The following TRRAP variants were observed in gnomAD, a reference collection of about 807,000 sequenced individuals.
The protein encoded by TRRAP is transformation/transcription domain associated protein, also known as transformation/transcription domain-associated protein.
Under a neutral mutation model 438.8 loss-of-function variants are expected in TRRAP, and 41 were observed. The ratio of observed to expected loss-of-function variants is 0.09; its 90% CI spans 0.07 to 0.12. The LOEUF is 0.12. Among genes scored for constraint, TRRAP ranks in the 10% least tolerant of loss-of-function variants. The probability of loss-of-function intolerance (pLI) is 1.00; values close to 1 mark genes in which losing one functional copy is unlikely to be tolerated. For synonymous variants in TRRAP, 1,994 were observed against 1,962.9 expected, an observed-to-expected ratio of 1.02 and a Z score of -0.42; for missense variants, 3,122 against 5,055.1, an observed-to-expected ratio of 0.62 and a Z score of 11.60.
intron 67 of TRRAP, among the ~76,000 whole-genome samples, chr7:98,995,757 C>T (rs961004813): frequency 3.9e-4 from 58 of 149,042 alleles, no homozygotes; most frequent in African/African-American, 1.3e-3. Flanking sequence ...CCCATCCACT[C>T]ACCTGTATCC....
Position 98,961,445 on chromosome 7 carries a change from G to T in TRRAP, c.6674G>T (p.Arg2225Leu). ...CGAGCCGTCCACAGCCTTCTCTCGCGCCTGATGAGCATTTTCCCAACAGAG... is the reference window on the plus strand; with the variant it reads ...CGAGCCGTCCACAGCCTTCTCTCGCTCCTGATGAGCATTTTCCCAACAGAG... ...VLRAVHSLLS[R>L]LMSIFPTEPS... Residue 2225 changes from arginine to leucine, a missense_variant, in exon 46 of 73, where the codon CGC (arginine) becomes CTC (leucine). By Grantham distance (102) the Arg-to-Leu change is moderately radical. Coordinates refer to ENST00000456197, the MANE Select transcript of TRRAP (RefSeq NM_001375524.1). The T allele has an allele frequency of 2.5e-6, 4 of 1,614,176 alleles. No individual in the cohort carries two copies. Among genetic ancestry groups the T allele is most frequent in the Non-Finnish European group, 3.4e-6 (4 of 1,180,040 alleles).
chr7:98,937,926 G>A, intron 30 of TRRAP, 106 bp downstream of exon 30: 1 of 1,297,952 alleles, frequency 7.7e-7, no homozygotes, highest in South Asian at 1.8e-5. Context: ...TGTAATCCCA[G>A]CACTTTGGGA....
chr7:98,882,131 T>G (rs1798141493), intron 3 of TRRAP, 107 bp downstream of exon 3: 2 of 967,234 alleles, frequency 2.1e-6, no homozygotes, highest in Non-Finnish European at 3.0e-6. Context: ...ATCATTGTCT[T>G]TGTTCAAGTA....
In TRRAP at chr7:98,933,387, G is replaced by A; in HGVS notation, c.3999G>A (p.Lys1333=). 1 of 1,613,894 alleles carries A rather than the reference G, an allele frequency of 6.2e-7. No homozygotes were observed. Among genetic ancestry groups the A allele is most frequent in the Non-Finnish European group, 8.5e-7 (1 of 1,179,984 alleles). The change falls in exon 27 of 73, where the codon AAG becomes AAA. Residue 1333 remains lysine (K), a synonymous_variant. Coordinates refer to ENST00000456197, the MANE Select transcript of TRRAP (RefSeq NM_001375524.1). ...FTMDLNVVEH[K]VFYTELLNLC... ...TGGACCTTAACGTGGTGGAGCATAA[G>A]GTGTTCTACACAGAGGTAGGGGGGT...
At chr7:98,906,351 T>C in intron 13 of TRRAP, 96 bp downstream of exon 13, 1 of 924,268 alleles carries the variant, frequency 1.1e-6, no homozygotes, top group Non-Finnish European at 1.7e-6. Flanking sequence ...ACACCGGCTG[T>C]TGAGCCTTGA....
intron 23 of TRRAP, 133 bp downstream of exon 23, chr7:98,927,499 C>A: frequency 2.5e-6 from 3 of 1,201,526 alleles, no homozygotes; most frequent in Non-Finnish European, 3.4e-6. Context: ...TTTTATTTTC[C>A]AATTTTCCAT....
chr7:98,962,398 C>T lies in TRRAP; in HGVS notation c.6800C>T (p.Ala2267Val). Residue 2267 changes from alanine (A) to valine (V), a missense_variant, in exon 47 of 73, where the codon GCC (alanine) becomes GTC (valine). Coordinates refer to ENST00000456197, the MANE Select transcript of TRRAP (RefSeq NM_001375524.1). ...GAAGGGCTCACCAACTACGAGAAGGCCACCAATGCCAATCCCTCCCAGCTC... is the reference window on the plus strand; with the variant it reads ...GAAGGGCTCACCAACTACGAGAAGGTCACCAATGCCAATCCCTCCCAGCTC... Reference protein sequence around the residue: ...IYEGLTNYEKATNANPSQLFG... With the variant: ...IYEGLTNYEKVTNANPSQLFG... 6.2e-7 allele frequency: 1 copy of T among 1,614,208 alleles called. No individual in the cohort carries two copies. Among genetic ancestry groups the T allele is most frequent in the Non-Finnish European group, 8.5e-7 (1 of 1,180,040 alleles).
intron 28 of TRRAP, among the ~76,000 whole-genome samples, chr7:98,936,831 A>G (rs1790579061): frequency 6.6e-6 from 1 of 152,206 alleles, no homozygotes; most frequent in South Asian, 2.1e-4. Context: ...ATTATACTCA[A>G]CATGTGGATG....
In TRRAP at chr7:98,951,001, C is replaced by T. The variant is rs782108092; in HGVS notation, c.5460C>T (p.Thr1820=). 1 of 1,593,278 alleles carries T rather than the reference C, an allele frequency of 6.3e-7. No individual in the cohort carries two copies. Among genetic ancestry groups the T allele is most frequent in the South Asian group, 1.1e-5 (1 of 86,986 alleles). The stretch of plus-strand genomic sequence containing the variant: ...AAAGCATCACCAGTGTGTTTATTAC[C>T]AAGGTGGTATCACTATGTGTGTGGG... ...NPESITSVFI[T]KVLDPEKQAD... Residue 1820 remains threonine (T), a synonymous_variant, in exon 39 of 73, where the codon ACC becomes ACT. Coordinates refer to ENST00000456197, the MANE Select transcript of TRRAP (RefSeq NM_001375524.1).
chr7:98,957,401 A>C (rs187320863), intron 43 of TRRAP, among the ~76,000 whole-genome samples: 2 of 152,186 alleles, frequency 1.3e-5, no homozygotes, highest in Admixed American at 6.5e-5. Context: ...TGAGACCTCT[A>C]CAGTGTTTTT....
chr7:98,948,365 T>C lies in TRRAP; in HGVS notation c.4668+25T>C. Reference sequence around the variant, plus strand: ...GGTAAGGGCCATACTGAAGGCTGCTTCTCGCTCTGCCACCCTCCGGTGCTT... The same window carrying C: ...GGTAAGGGCCATACTGAAGGCTGCTCCTCGCTCTGCCACCCTCCGGTGCTT... On this transcript the variant is annotated intron_variant, in intron 34 of 72. Transcript: ENST00000456197. This position sits in a 1 kb window ranked among gnomAD's most constrained non-coding sequence, Gnocchi z 4.9. 1 of 1,613,952 alleles carries C rather than the reference T, an allele frequency of 6.2e-7. No individual in the cohort carries two copies.
In TRRAP at chr7:98,885,471, A is replaced by T. The variant is rs1369961907; in HGVS notation, c.150+3447A>T. 2.4e-4 allele frequency among the ~76,000 whole-genome samples: 37 copies of T among 152,226 alleles called. 1 individual carries two copies. Among genetic ancestry groups the T allele is most frequent in the Admixed American group, 2.4e-3 (37 of 15,278 alleles). ...TTCCGTAAGGTCTTTTGTATTAATA[A>T]ACATTAAATACATGTTAGTGGGGTT... On this transcript the variant is annotated intron_variant, in intron 3 of 72. Transcript: ENST00000456197.
At chr7:98,941,715 T>G (rs1177616476) in intron 30 of TRRAP, among the ~76,000 whole-genome samples, 1 of 152,180 alleles carries the variant, frequency 6.6e-6, no homozygotes, top group Non-Finnish European at 1.5e-5. Context: ...AAATGTTGAG[T>G]GCTTTGAAGA....
Position 98,949,370 on chromosome 7 carries a change from T to C in TRRAP, c.4789-47T>C, listed in dbSNP as rs1260873869. 1.1e-5 allele frequency: 16 copies of C among 1,442,266 alleles called. No homozygotes were observed. The East Asian group carries it at 4.0e-4, about 36-fold the overall frequency. The allele number at this position is 1,442,266 out of a possible 1,614,324, so 89.3% of individuals were successfully genotyped here. ...AACATTCATATCCTCTAACTTTCTG[T>C]GAGTTTGATTAGCTTAAAACGGCTT... On this transcript the variant is annotated intron_variant, in intron 35 of 72. Transcript: ENST00000456197.
At position 98,924,402 on chromosome 7, in the gene TRRAP, A is replaced by G. The variant is rs1789937034; in HGVS notation, c.2824-710A>G. On this transcript the variant is annotated intron_variant, in intron 21 of 72. Coordinates refer to ENST00000456197, the MANE Select transcript of TRRAP (RefSeq NM_001375524.1). ...TACCCACTGTGCTCTCTTCAAAAGA[A>G]AATATGCATGAGACTGGTGCCGTGG... Among the ~76,000 whole-genome samples the G allele has an allele frequency of 2.0e-5, 3 of 152,372 alleles. No individual in the cohort carries two copies. In the South Asian group the frequency reaches 6.2e-4, roughly 32 times the overall value.
intron 53 of TRRAP, among the ~76,000 whole-genome samples, chr7:98,975,423 G>A (rs1792612138): frequency 6.6e-6 from 1 of 152,196 alleles, no homozygotes; most frequent in Admixed American, 6.5e-5. Flanking sequence ...TGTCTCCTGT[G>A]GGCTAGAGCA....
At position 98,906,402 on chromosome 7, in the gene TRRAP, TTTTATTTATTTATTTATTTA is replaced by T. The variant is rs3066870; in HGVS notation, c.1115+175_1115+194del. On this transcript the variant is annotated intron_variant, in intron 13 of 72. Transcript: ENST00000456197. ...AGCAAGTGCAGGATTTTTGTTTTTG[TTTTATTTATTTATTTATTTA>T]TTTATTTATTTATTTATTTATTTAT... The T allele has an allele frequency of 2.8e-4, 54 of 194,820 alleles. 2 individuals are homozygous for T. The highest frequency in any genetic ancestry group is 6.1e-4 in the African/African-American group (24 of 39,416). 12.1% of individuals were successfully genotyped at this position (194,820 alleles called of 1,614,324 possible).
rs899614676 is a variant in TRRAP at position 98,990,721 on chromosome 7, A to G, written c.9756+102A>G. On this transcript the variant is annotated intron_variant, in intron 64 of 72. Coordinates refer to ENST00000456197, the MANE Select transcript of TRRAP (RefSeq NM_001375524.1). Reference sequence around the variant, plus strand: ...AGTAAATTTGAGTGTTCAAAGTATTAAAAACAAGTTAAAGAGATGGGAAGA... The same window carrying G: ...AGTAAATTTGAGTGTTCAAAGTATTGAAAACAAGTTAAAGAGATGGGAAGA... 5.3e-6 allele frequency: 7 copies of G among 1,332,218 alleles called. No individual in the cohort carries two copies. In the African/African-American group the frequency reaches 7.3e-5, roughly 14 times the overall value. The allele number at this position is 1,332,218 out of a possible 1,614,324, so 82.5% of individuals were successfully genotyped here. A position where few individuals can be genotyped will look rare whatever the true frequency, so the allele number is the denominator to read the frequency against.
Position 98,927,347 on chromosome 7 carries a change from G to A in TRRAP, c.3156G>A (p.Val1052=). ...GCTTGATCCGCCACTATACGATGGTGGCAGTCGCCCAGCAGTGTGGTGAGC... is the reference window on the plus strand; with the variant it reads ...GCTTGATCCGCCACTATACGATGGTAGCAGTCGCCCAGCAGTGTGGTGAGC... The part of the protein sequence containing the change: ...VASLIRHYTM[V]AVAQQCGPFL... The change falls in exon 23 of 73, where the codon GTG becomes GTA. Residue 1052 remains valine (V), a synonymous_variant. Coordinates refer to ENST00000456197, the MANE Select transcript of TRRAP (RefSeq NM_001375524.1). 1 of 1,614,200 alleles carries A rather than the reference G, an allele frequency of 6.2e-7. No homozygotes were observed. The highest frequency in any genetic ancestry group is 8.5e-7 in the Non-Finnish European group (1 of 1,180,036).
Sources: gnomAD v4.1 joint callset for allele counts (sites outside exome capture counted in the v4.1 genomes callset) on GRCh38, gnomAD v4.1.1 for gene constraint, Gnocchi (gnomAD v3.1) non-coding constraint, MANE v1.5 for transcripts, NCBI Gene and HGNC (gene_info 2026-07-23, HGNC 2026-07-21) for gene names.